PRMT2: variants seen among roughly 807,000 people sequenced by gnomAD.
The protein encoded by PRMT2 is protein arginine methyltransferase 2, also known as protein arginine N-methyltransferase 2.
Under a neutral mutation model 57.6 loss-of-function variants are expected in PRMT2, and 26 were observed. That is an observed-to-expected ratio of 0.45 (90% CI 0.33 to 0.63). The LOEUF (loss-of-function observed/expected upper bound fraction) is 0.63, where lower values mean the gene tolerates loss of function less well. PRMT2 is among the 20% of genes least tolerant of loss of function. The pLI is 0.02. For synonymous variants in PRMT2, 219 were observed against 220.0 expected, an observed-to-expected ratio of 1.00 and a Z score of 0.04; for missense variants, 472 against 564.4, an observed-to-expected ratio of 0.84 and a Z score of 1.66.
chr21:46,648,594 G>C lies in PRMT2; in HGVS notation c.464G>C (p.Cys155Ser). 1.2e-6 allele frequency: 2 copies of C among 1,614,214 alleles called. No homozygotes were observed. Among genetic ancestry groups the C allele is most frequent in the Non-Finnish European group, 1.7e-6 (2 of 1,180,032 alleles). ...GGGACTGGGATCATCAGTCTCTTCTGTGCACACTATGCGCGGCCTAGAGCG... is the reference window on the plus strand; with the variant it reads ...GGGACTGGGATCATCAGTCTCTTCTCTGCACACTATGCGCGGCCTAGAGCG... ...GCGTGIISLFCAHYARPRAVY... is the reference protein window; with the variant it reads ...GCGTGIISLFSAHYARPRAVY... Residue 155 changes from cysteine (C) to serine (S), a missense_variant, in exon 6 of 12, where the codon TGT becomes TCT. Physicochemically the swap from Cys to Ser is moderately radical, Grantham distance 112 (BLOSUM62 -1). This residue lies in a region of PRMT2 where 243 missense variants were observed against 347.2 expected (regional missense o/e 0.70). Coordinates refer to ENST00000355680, the MANE Select transcript of PRMT2 (RefSeq NM_206962.4). The surrounding 1 kb of genome is among the most constrained non-coding windows in gnomAD (Gnocchi z 4.8).
intron 4 of PRMT2, 27 bp from the exon 5 acceptor site, chr21:46,644,279 A>G: frequency 6.3e-7 from 1 of 1,593,830 alleles, no homozygotes. Flanking sequence ...TGGTTTTCTT[A>G]TTGAATTTTA....
At chr21:46,637,476 T>C (rs775299582) in intron 3 of PRMT2, among the ~76,000 whole-genome samples, 8 of 152,174 alleles carry the variant, frequency 5.3e-5, no homozygotes, top group Admixed American at 1.3e-4. Flanking sequence ...GAATAATAGA[T>C]ACTGTTTTTA....
intron 7 of PRMT2, chr21:46,653,360 G>A (rs545270832): frequency 1.1e-5 from 11 of 985,362 alleles, no homozygotes; most frequent in East Asian, 1.1e-4. Flanking sequence ...TTCAGACTTC[G>A]GATGTATTTA....
rs370698216 is a variant in PRMT2, at chr21:46,643,504, C to G, written c.40-31C>G. ...AAAAAAAAAAAAAAGCTCCAGCGTC[C>G]TCTCCTCACGCTTTCCTTGGCTTTG... On this transcript the variant is annotated intron_variant, in intron 3 of 11. Transcript: ENST00000355680. 2.1e-6 allele frequency: 3 copies of G among 1,462,526 alleles called. No homozygotes were observed. In the African/African-American group the frequency reaches 4.4e-5, roughly 21 times the overall value. 90.6% of individuals were successfully genotyped at this position (1,462,526 alleles called of 1,614,324 possible).
chr21:46,647,086 G>GGT (rs2061376041), intron 5 of PRMT2, among the ~76,000 whole-genome samples: 1 of 152,106 alleles, frequency 6.6e-6, no homozygotes, highest in Non-Finnish European at 1.5e-5. Flanking sequence ...GTGGCATGAT[G>GGT]GTGTGTGAAA....
At chr21:46,655,888 T>G (rs2061535060) in intron 7 of PRMT2, among the ~76,000 whole-genome samples, 1 of 152,168 alleles carries the variant, frequency 6.6e-6, no homozygotes, top group Admixed American at 6.5e-5. Context: ...GTAGACTTAA[T>G]AAAATTCCAA....
chr21:46,658,600 T>C (rs1478094300), intron 7 of PRMT2, 145 bp from the exon 8 acceptor site: 1 of 1,412,874 alleles, frequency 7.1e-7, no homozygotes, highest in Non-Finnish European at 9.4e-7. Flanking sequence ...GATGTTCTCT[T>C]GCATGGTACA....
In PRMT2 at chr21:46,661,126, GAT is replaced by G. The variant is rs2061613508; in HGVS notation, c.960+165_960+166del. 3 of 682,206 alleles carry G rather than the reference GAT, an allele frequency of 4.4e-6. No homozygotes were observed. In the East Asian group the frequency reaches 9.8e-5, roughly 22 times the overall value. 42.3% of individuals were successfully genotyped at this position (682,206 alleles called of 1,614,324 possible). On this transcript the variant is annotated intron_variant, in intron 9 of 11. Coordinates refer to ENST00000355680, the MANE Select transcript of PRMT2 (RefSeq NM_206962.4). Reference sequence around the variant, plus strand: ...GTGAATTTATAAAACGTTTGCTACTGATTTTTTCCAGTCTTTTTTCTTTTTTA... The same window carrying G: ...GTGAATTTATAAAACGTTTGCTACTGTTTTTCCAGTCTTTTTTCTTTTTTA...
rs1215323450 is a variant in PRMT2, at chr21:46,652,241, TTTG to T, written c.654+2508_654+2510del. On this transcript the variant is annotated intron_variant, in intron 7 of 11. Transcript: ENST00000355680. ...AAACAAAAAAATTGCTACAAGTTTATTTGTTGTTAGGATGGGAAAGGTTTTTCT... is the reference window on the plus strand; with the variant it reads ...AAACAAAAAAATTGCTACAAGTTTATTTGTTAGGATGGGAAAGGTTTTTCT... 2.2e-6 allele frequency: 3 copies of T among 1,369,812 alleles called. No homozygotes were observed. The Admixed American group carries it at 9.5e-5, about 43-fold the overall frequency. The allele number at this position is 1,369,812 out of a possible 1,614,324, so 84.9% of individuals were successfully genotyped here. A position where few individuals can be genotyped will look rare whatever the true frequency, so the allele number is the denominator to read the frequency against.
chr21:46,660,273 G>C (rs1465176142), intron 8 of PRMT2: 9 of 618,832 alleles, frequency 1.5e-5, no homozygotes, highest in South Asian at 7.3e-5. Flanking sequence ...GCGGCGTCTA[G>C]TGTCTGTTTC....
chr21:46,652,006 A>T, intron 7 of PRMT2: 1 of 1,613,082 alleles, frequency 6.2e-7, no homozygotes, highest in East Asian at 2.2e-5. Flanking sequence ...TCCTACTCTG[A>T]CGCTGACATG....
chr21:46,637,091 C>T, intron 3 of PRMT2, 101 bp downstream of exon 3: 1 of 1,312,498 alleles, frequency 7.6e-7, no homozygotes, highest in Admixed American at 2.1e-5. Context: ...TGGCTTGTGC[C>T]TTGGAAGGTG....
intron 5 of PRMT2, among the ~76,000 whole-genome samples, chr21:46,647,472 T>G (rs567604408): frequency 1.5e-4 from 23 of 152,344 alleles, no homozygotes; most frequent in African/African-American, 5.3e-4. Context: ...TTTTCAGAAC[T>G]GTTATGATTC....
chr21:46,661,837 C>T lies in PRMT2; in HGVS notation c.998C>T (p.Ala333Val), dbSNP rs1194212705. ...RGELRFDIRK[A>V]GTLHGFTAWF... ...GAGCTGCGCTTCGACATCAGGAAGG[C>T]GGGGACCCTGCACGGCTTCACGGCC... The change falls in exon 10 of 12, where the codon GCG becomes GTG. Residue 333 changes from alanine (A) to valine (V), a missense_variant. Coordinates refer to ENST00000355680, the MANE Select transcript of PRMT2 (RefSeq NM_206962.4). The T allele has an allele frequency of 1.3e-6, 2 of 1,504,312 alleles. No homozygotes were observed. Among genetic ancestry groups the T allele is most frequent in the Non-Finnish European group, 8.9e-7 (1 of 1,121,256 alleles). The allele number at this position is 1,504,312 out of a possible 1,614,324, so 93.2% of individuals were successfully genotyped here. A position where few individuals can be genotyped will look rare whatever the true frequency, so the allele number is the denominator to read the frequency against.
At chr21:46,637,209 T>G (rs1475733072) in intron 3 of PRMT2, among the ~76,000 whole-genome samples, 1 of 151,956 alleles carries the variant, frequency 6.6e-6, no homozygotes, top group Non-Finnish European at 1.5e-5. Context: ...AAGGAAATAC[T>G]TAGCCCCAAA....
At chr21:46,654,269 T>C (rs1214382197) in intron 7 of PRMT2, 9 of 446,322 alleles carry the variant, frequency 2.0e-5, no homozygotes, top group Non-Finnish European at 2.7e-5. Context: ...TTAAAAATTA[T>C]GTTTTAGAAA....
chr21:46,660,756 C>T (rs2061607103), intron 8 of PRMT2, 77 bp from the exon 9 acceptor site: 5 of 1,536,420 alleles, frequency 3.3e-6, no homozygotes, highest in South Asian at 2.4e-5. Context: ...GAGCACTCAC[C>T]GCGGTCCCAC....
intron 7 of PRMT2, among the ~76,000 whole-genome samples, chr21:46,650,601 C>A (rs1172648446): frequency 6.6e-6 from 1 of 152,208 alleles, no homozygotes; most frequent in Non-Finnish European, 1.5e-5. Context: ...ACTCCTACCC[C>A]CTGAAGGGGC....
intron 7 of PRMT2, chr21:46,652,161 T>A: frequency 7.0e-7 from 1 of 1,432,854 alleles, no homozygotes; most frequent in Non-Finnish European, 9.1e-7. Flanking sequence ...CTTCACACCA[T>A]CTGCTAAAAT....
Sources: gnomAD v4.1 joint callset for allele counts (sites outside exome capture counted in the v4.1 genomes callset) on GRCh38, gnomAD v4.1.1 for gene constraint, gnomAD v4.1.1 regional missense constraint, Gnocchi (gnomAD v3.1) non-coding constraint, MANE v1.5 for transcripts, NCBI Gene and HGNC (gene_info 2026-07-23, HGNC 2026-07-21) for gene names.